XRCC4: variants seen among roughly 807,000 people sequenced by gnomAD.
XRCC4 encodes X-ray repair cross complementing 4.
A neutral mutation model predicts 39.1 loss-of-function variants in XRCC4; 28 were observed. That is an observed-to-expected ratio of 0.72 (90% CI 0.53 to 0.98). XRCC4 has a LOEUF of 0.98. XRCC4 is among the 50% of genes least tolerant of loss of function. The pLI, the probability that XRCC4 is intolerant of heterozygous loss-of-function variation, is 0.00. For missense variants in XRCC4, 350 were observed against 376.4 expected (o/e 0.93, Z 0.58); for synonymous variants, 123 against 126.4 (o/e 0.97, Z 0.18).
chr5:83,106,662 A>G (rs550075124), intron 2 of XRCC4, among the ~76,000 whole-genome samples: 7 of 152,134 alleles, frequency 4.6e-5, no homozygotes, highest in Non-Finnish European at 7.4e-5. Context: ...CATTTCGTTT[A>G]TATCATACAA....
chr5:83,174,840 G>A (rs1432895738), intron 3 of XRCC4, among the ~76,000 whole-genome samples: 2 of 152,108 alleles, frequency 1.3e-5, no homozygotes, highest in Admixed American at 6.6e-5. Flanking sequence ...TATGTAGTTA[G>A]AGCTTTTAAA....
chr5:83,107,382 GT>G (rs74357038), intron 2 of XRCC4, among the ~76,000 whole-genome samples: 10 of 150,314 alleles, frequency 6.7e-5, no homozygotes, highest in African/African-American at 1.7e-4. Flanking sequence ...ACCTCATCCT[GT>G]TTTTTTTTGT....
Position 83,087,309 on chromosome 5 carries a change from C to G in XRCC4, c.-11+9694C>G, listed in dbSNP as rs1190006429. Among the ~76,000 whole-genome samples the G allele has an allele frequency of 2.0e-5, 3 of 151,628 alleles. No homozygotes were observed. In the East Asian group the frequency reaches 5.8e-4, roughly 29 times the overall value. ...TCCAGCCTGGGCAACAGAGTGAGACCCTGTCTCCAAAAAAATAAAAAATAA... is the reference window on the plus strand; with the variant it reads ...TCCAGCCTGGGCAACAGAGTGAGACGCTGTCTCCAAAAAAATAAAAAATAA... On this transcript the variant is annotated intron_variant, in intron 1 of 7. Transcript: ENST00000396027.
chr5:83,095,262 C>T (rs1347663416), intron 1 of XRCC4, among the ~76,000 whole-genome samples: 7 of 152,068 alleles, frequency 4.6e-5, no homozygotes, highest in East Asian at 3.9e-4. Flanking sequence ...GCAATCAGGC[C>T]GAGCTGCTGA....
intron 6 of XRCC4, among the ~76,000 whole-genome samples, chr5:83,250,266 T>A (rs1561432173): frequency 1.3e-5 from 2 of 152,220 alleles, no homozygotes; most frequent in Non-Finnish European, 2.9e-5. Context: ...TTAATGTTGT[T>A]CTTTCACAAA....
chr5:83,083,803 C>A (rs1745065869), intron 1 of XRCC4, among the ~76,000 whole-genome samples: 3 of 152,156 alleles, frequency 2.0e-5, no homozygotes, highest in African/African-American at 7.2e-5. Flanking sequence ...GCAGACTCTT[C>A]TATTTGGAAT....
intron 7 of XRCC4, among the ~76,000 whole-genome samples, chr5:83,331,727 C>G (rs756792754): frequency 1.2e-4 from 18 of 152,054 alleles, no homozygotes; most frequent in Admixed American, 9.8e-4. Flanking sequence ...AAATAAAATT[C>G]TTTGAAATGG....
chr5:83,105,452 G>T (rs915633120), intron 2 of XRCC4, among the ~76,000 whole-genome samples: 1 of 152,068 alleles, frequency 6.6e-6, no homozygotes, highest in African/African-American at 2.4e-5. Flanking sequence ...GGGTAGTGGT[G>T]GGTTATTTAT....
chr5:83,316,510 C>G (rs1219151092), intron 7 of XRCC4, among the ~76,000 whole-genome samples: 5 of 150,886 alleles, frequency 3.3e-5, no homozygotes, highest in Non-Finnish European at 5.9e-5. Flanking sequence ...GGAGAAAGAT[C>G]TACCAAGCCA....
chr5:83,368,763 T>C, the XRCC4 span, among the ~76,000 whole-genome samples: 1 of 152,212 alleles, frequency 6.6e-6, no homozygotes, highest in Non-Finnish European at 1.5e-5. Context: ...CTAAATATAA[T>C]TTCTGGGAAG....
chr5:83,245,909 C>G (rs564996087), intron 6 of XRCC4, among the ~76,000 whole-genome samples: 8 of 151,386 alleles, frequency 5.3e-5, no homozygotes, highest in Admixed American at 4.0e-4. Flanking sequence ...ACATTACCTA[C>G]AAGAAATAGA....
chr5:83,362,311 A>G, the XRCC4 span, among the ~76,000 whole-genome samples: 2 of 150,690 alleles, frequency 1.3e-5, no homozygotes, highest in African/African-American at 4.9e-5. Context: ...AAAAAAAAAA[A>G]AAAAAAACTA....
At chr5:83,166,460 G>GTTTTTTTTTTTTT (rs200217928) in intron 3 of XRCC4, among the ~76,000 whole-genome samples, 1 of 142,208 alleles carries the variant, frequency 7.0e-6, no homozygotes, top group Non-Finnish European at 1.5e-5. Context: ...GTTCCTGTTT[G>GTTTTTTTTTTTTT]TTTTTTTTTT....
chr5:83,118,621 G>T (rs1746853591), intron 3 of XRCC4, among the ~76,000 whole-genome samples: 1 of 152,176 alleles, frequency 6.6e-6, no homozygotes, highest in Non-Finnish European at 1.5e-5. Context: ...TCCCAAATTT[G>T]ATACATTCCT....
downstream of XRCC4, chr5:83,356,727 A>G (rs1042421775): frequency 5.3e-5 from 24 of 454,238 alleles, no homozygotes; most frequent in Non-Finnish European, 9.3e-5. Flanking sequence ...TTAATTGTCT[A>G]TACTCTAAAC....
chr5:83,180,980 C>T (rs980368460), intron 3 of XRCC4, among the ~76,000 whole-genome samples: 3 of 148,894 alleles, frequency 2.0e-5, no homozygotes, highest in African/African-American at 7.5e-5. Flanking sequence ...CAAATAGTTT[C>T]TACAAACCTT....
At chr5:83,217,700 T>C (rs1751917567) in intron 6 of XRCC4, among the ~76,000 whole-genome samples, 1 of 152,212 alleles carries the variant, frequency 6.6e-6, no homozygotes, top group African/African-American at 2.4e-5. Flanking sequence ...CTTCAATGAA[T>C]GCCTTCTCTC....
chr5:83,295,838 A>G (rs2112987702), intron 7 of XRCC4, among the ~76,000 whole-genome samples: 1 of 152,042 alleles, frequency 6.6e-6, no homozygotes, highest in East Asian at 1.9e-4. Flanking sequence ...TTTACTCTGT[A>G]TACTTTGGGA....
At chr5:83,122,667 A>G (rs1561342036) in intron 3 of XRCC4, among the ~76,000 whole-genome samples, 2 of 152,142 alleles carry the variant, frequency 1.3e-5, no homozygotes, top group South Asian at 4.1e-4. Flanking sequence ...CTGATATACA[A>G]TTTAGGATCT....
Sources: allele counts gnomAD v4.1 joint callset (sites outside exome capture counted in the v4.1 genomes callset), GRCh38; gene constraint gnomAD v4.1.1; transcripts MANE v1.5; gene names NCBI Gene and HGNC (gene_info 2026-07-23, HGNC 2026-07-21).